Variants in SMG7 observed in about 807,000 individuals in gnomAD.
SMG7 encodes nonsense-mediated mRNA decay factor SMG7.
A neutral mutation model predicts 148.2 loss-of-function variants in SMG7; 34 were observed. The ratio of observed to expected loss-of-function variants is 0.23; its 90% confidence interval spans 0.17 to 0.31. The LOEUF is 0.31. SMG7 is among the 10% of genes least tolerant of loss of function. The probability of loss-of-function intolerance (pLI) is 1.00; values close to 1 mark genes in which losing one functional copy is unlikely to be tolerated. For synonymous variants in SMG7, 492 were observed against 515.1 expected, an observed-to-expected ratio of 0.96 and a Z score of 0.61; for missense variants, 1,114 against 1,408.4, an observed-to-expected ratio of 0.79 and a Z score of 3.35.
chr1:183,544,255 C>A, intron 14 of SMG7, 98 bp from the exon 15 acceptor site: 1 of 868,892 alleles, frequency 1.2e-6, no homozygotes, highest in Non-Finnish European at 1.8e-6. Flanking sequence ...ACTTTTTGAT[C>A]TAATGAGGTT....
intron 18 of SMG7, chr1:183,548,903 A>G: frequency 2.9e-6 from 1 of 347,598 alleles, no homozygotes; most frequent in Non-Finnish European, 5.3e-6. Context: ...AACTATTGAC[A>G]AGGGGATTCC....
Position 183,552,649 on chromosome 1 carries a change from C to T in SMG7, c.*718C>T, listed in dbSNP as rs553389204. The T allele has an allele frequency of 7.7e-5, 85 of 1,101,594 alleles. No homozygotes were observed. In the African/African-American group the frequency reaches 1.0e-3, roughly 14 times the overall value. The allele number at this position is 1,101,594 out of a possible 1,614,324, so 68.2% of individuals were successfully genotyped here. A position where few individuals can be genotyped will look rare whatever the true frequency, so the allele number is the denominator to read the frequency against. Reference sequence around the variant, plus strand: ...GAATGCCCTTCACTCTGTAGGTGCTCGAGCCCCAATCGAGGATACAGTGTG... The same window carrying T: ...GAATGCCCTTCACTCTGTAGGTGCTTGAGCCCCAATCGAGGATACAGTGTG... On this transcript the variant is annotated 3_prime_UTR_variant, in exon 23 of 23. Coordinates refer to ENST00000688051, the MANE Select transcript of SMG7 (RefSeq NM_001375584.1).
rs1245320191 is a variant in SMG7 at position 183,533,764 on chromosome 1, G to C, written c.1095G>C (p.Lys365Asn). Residue 365 changes from lysine (K) to asparagine (N), a missense_variant, in exon 10 of 23, where the codon AAG becomes AAC. By Grantham distance (94) the Lys-to-Asn change is moderately conservative. Coordinates refer to ENST00000688051, the MANE Select transcript of SMG7 (RefSeq NM_001375584.1). ...SYNAYPLPAV[K>N]VSMDWLRLRP... ...ATGCCTATCCTCTTCCAGCAGTCAA[G>C]GTCTCCATGGACTGGCTAAGACTCA... 1 of 1,613,214 alleles carries C rather than the reference G, an allele frequency of 6.2e-7. No individual in the cohort carries two copies. The highest frequency in any genetic ancestry group is 1.7e-5 in the Admixed American group (1 of 59,966).
intron 12 of SMG7, among the ~76,000 whole-genome samples, chr1:183,539,521 A>AT (rs1375424410): frequency 6.6e-6 from 1 of 152,084 alleles, no homozygotes; most frequent in Non-Finnish European, 1.5e-5. Context: ...TATGTCCCAA[A>AT]TTTTCAGCTT....
At chr1:183,503,748 A>T (rs1223476344) in intron 1 of SMG7, among the ~76,000 whole-genome samples, 1 of 152,172 alleles carries the variant, frequency 6.6e-6, no homozygotes. Context: ...TATTCAAATG[A>T]TCATTTAGGT....
At chr1:183,526,267 G>A (rs901136896) in intron 4 of SMG7, among the ~76,000 whole-genome samples, 2 of 151,470 alleles carry the variant, frequency 1.3e-5, no homozygotes, top group Non-Finnish European at 2.9e-5. Context: ...TTGTGCCTCA[G>A]CCTCCCTTGT....
rs747635874 is a variant in SMG7, at chr1:183,551,954, T to C, written c.*23T>C. The C allele has an allele frequency of 1.9e-6, 3 of 1,611,760 alleles. No individual in the cohort carries two copies. The East Asian group carries it at 6.7e-5, about 36-fold the overall frequency. ...TGAGGCCAAAGTGGCAACCTGGGAA[T>C]GAAGGCTCCATAAACCATGGCATGT... On this transcript the variant is annotated 3_prime_UTR_variant, in exon 23 of 23. Coordinates refer to ENST00000688051, the MANE Select transcript of SMG7 (RefSeq NM_001375584.1).
intron 1 of SMG7, among the ~76,000 whole-genome samples, chr1:183,506,994 T>C (rs898040369): frequency 1.3e-5 from 2 of 149,930 alleles, no homozygotes; most frequent in African/African-American, 4.9e-5. Flanking sequence ...TTCTCCTGCC[T>C]CAGCCTCCAG....
chr1:183,552,141 C>G lies in SMG7; in HGVS notation c.*210C>G. The G allele has an allele frequency of 8.0e-7, 1 of 1,248,486 alleles. No individual in the cohort carries two copies. The highest frequency in any genetic ancestry group is 2.8e-5 in the South Asian group (1 of 35,788). 77.3% of individuals were successfully genotyped at this position (1,248,486 alleles called of 1,614,324 possible). On this transcript the variant is annotated 3_prime_UTR_variant, in exon 23 of 23. Transcript: ENST00000688051. ...ATCCATCAGGAACTCTCCGTCCCCC[C>G]GGGGCCCTCCGGAGGGAGAGAGAGA...
intron 1 of SMG7, among the ~76,000 whole-genome samples, chr1:183,504,635 G>A (rs1353126047): frequency 2.0e-5 from 3 of 152,108 alleles, no homozygotes; most frequent in Non-Finnish European, 4.4e-5. Flanking sequence ...CACAGCACCT[G>A]GCCAATATAT....
chr1:183,527,949 T>G lies in SMG7; in HGVS notation c.485-7T>G, dbSNP rs776438735. The G allele has an allele frequency of 3.7e-6, 6 of 1,611,854 alleles. No homozygotes were observed. The Admixed American group carries it at 8.4e-5, about 22-fold the overall frequency. On this transcript the variant is annotated splice_polypyrimidine_tract_variant and splice_region_variant and intron_variant, in intron 5 of 22. Coordinates refer to ENST00000688051, the MANE Select transcript of SMG7 (RefSeq NM_001375584.1). This position sits in a 1 kb window ranked among gnomAD's most constrained non-coding sequence, Gnocchi z 4.0. Reference sequence around the variant, plus strand: ...GGGTTTTTTAAAACTAATTTTCTTCTTCTTAGCTCGATACAGAAACCAGAC... The same window carrying G: ...GGGTTTTTTAAAACTAATTTTCTTCGTCTTAGCTCGATACAGAAACCAGAC...
At chr1:183,480,422 A>G (rs1205734759) in intron 1 of SMG7, among the ~76,000 whole-genome samples, 1 of 151,986 alleles carries the variant, frequency 6.6e-6, no homozygotes, top group African/African-American at 2.4e-5. Context: ...TGAGTACATT[A>G]TTGAAATTAC....
At position 183,517,757 on chromosome 1, in the gene SMG7, T is replaced by C. The variant is rs1164107507; in HGVS notation, c.249T>C (p.Asn83=). ...QGQAKNRANP[N]RSEVQANLSL... is the part of the protein sequence containing the mutation. ...AGGCAAAGAATCGAGCAAATCCGAA[T>C]CGGAGTGAAGTTCAGGCAAACCTTT... The change falls in exon 4 of 23, where the codon AAT becomes AAC. Residue 83 remains asparagine, a synonymous_variant. Coordinates refer to ENST00000688051, the MANE Select transcript of SMG7 (RefSeq NM_001375584.1). 6.2e-7 allele frequency: 1 copy of C among 1,614,146 alleles called. No individual in the cohort carries two copies. Among genetic ancestry groups the C allele is most frequent in the South Asian group, 1.1e-5 (1 of 91,084 alleles).
At chr1:183,516,632 A>G (rs1663609142) in intron 3 of SMG7, among the ~76,000 whole-genome samples, 1 of 152,262 alleles carries the variant, frequency 6.6e-6, no homozygotes, top group Non-Finnish European at 1.5e-5. Flanking sequence ...TTTAAAAATC[A>G]ATTAAGAGTA....
Position 183,553,427 on chromosome 1 carries a change from C to T in SMG7, c.*1496C>T. On this transcript the variant is annotated 3_prime_UTR_variant, in exon 23 of 23. Transcript: ENST00000688051. ...TTGTGTACACACACGTGCCCATCTG[C>T]TGTCCCAGAGGGGAGGGGTTGTGTG... 1 of 519,880 alleles carries T rather than the reference C, an allele frequency of 1.9e-6. No individual in the cohort carries two copies. Among genetic ancestry groups the T allele is most frequent in the South Asian group, 2.1e-5 (1 of 46,864 alleles). 32.2% of individuals were successfully genotyped at this position (519,880 alleles called of 1,614,324 possible). A position where few individuals can be genotyped will look rare whatever the true frequency, so the allele number is the denominator to read the frequency against.
At chr1:183,472,746 T>C (rs2101971813) in intron 1 of SMG7, 97 bp downstream of exon 1, 1 of 1,120,720 alleles carries the variant, frequency 8.9e-7, no homozygotes, top group Non-Finnish European at 1.2e-6. Context: ...GGCGGGGGAG[T>C]TGCTGCGTCC....
Position 183,533,295 on chromosome 1 carries a change from G to A in SMG7, c.975G>A (p.Gln325=). 6.2e-7 allele frequency: 1 copy of A among 1,613,844 alleles called. No individual in the cohort carries two copies. Among genetic ancestry groups the A allele is most frequent in the South Asian group, 1.1e-5 (1 of 91,066 alleles). The change falls in exon 9 of 23, where the codon CAG becomes CAA. Residue 325 remains glutamine, a synonymous_variant. Coordinates refer to ENST00000688051, the MANE Select transcript of SMG7 (RefSeq NM_001375584.1). The stretch of plus-strand genomic sequence containing the variant: ...AGCACACTTATAGCCAAGATGAGCA[G>A]CTATGTTGGACACAGTTGCTGGCCC... The part of the protein sequence containing the change: ...TEQHTYSQDE[Q]LCWTQLLALF...
intron 1 of SMG7, among the ~76,000 whole-genome samples, chr1:183,502,008 G>A (rs1659839320): frequency 6.6e-6 from 1 of 152,066 alleles, no homozygotes. Flanking sequence ...TGATCACTCA[G>A]TTTTCAGACA....
In SMG7 at chr1:183,546,095, T is replaced by A. The variant is rs144835952; in HGVS notation, c.2500T>A (p.Ser834Thr). The A allele has an allele frequency of 6.2e-5, 100 of 1,613,812 alleles. No individual in the cohort carries two copies. The highest frequency in any genetic ancestry group is 7.9e-5 in the Non-Finnish European group (93 of 1,179,964). Residue 834 changes from serine (S) to threonine (T), a missense_variant, in exon 17 of 23, where the codon TCA becomes ACA. Around this residue, in one of 4 missense-constraint regions of SMG7, gnomAD observed 788 missense variants for 894.5 expected, o/e 0.88. Transcript: ENST00000688051. The stretch of plus-strand genomic sequence containing the variant: ...AGACCCCATAAAACTGTTTGAGCCG[T>A]CATTGCAACCTCCTGTAATGCAGCA... Reference protein sequence around the residue: ...TQDPIKLFEPSLQPPVMQQQP... With the variant: ...TQDPIKLFEPTLQPPVMQQQP...
Sources: allele counts gnomAD v4.1 joint callset (sites outside exome capture counted in the v4.1 genomes callset), GRCh38; gene constraint gnomAD v4.1.1; regional missense constraint gnomAD v4.1.1; non-coding constraint Gnocchi (gnomAD v3.1); transcripts MANE v1.5; gene names NCBI Gene and HGNC (gene_info 2026-07-23, HGNC 2026-07-21).